The following GLDC variants were observed in gnomAD, a reference collection of about 807,000 sequenced individuals.
GLDC encodes glycine dehydrogenase (decarboxylating), mitochondrial.
GLDC carries 104 observed loss-of-function variants against 121.3 expected under a neutral mutation model. The ratio of observed to expected loss-of-function variants is 0.86; its 90% confidence interval spans 0.73 to 1.01. The LOEUF (loss-of-function observed/expected upper bound fraction) is 1.01, where lower values mean the gene tolerates loss of function less well. Ranked by LOEUF, GLDC falls within the 50% of genes least tolerant of loss-of-function variation. The pLI, the probability that GLDC is intolerant of heterozygous loss-of-function variation, is 0.00. For synonymous variants in GLDC, 546 were observed against 480.6 expected (o/e 1.14, Z -1.78); for missense variants, 1,429 against 1,306.6 (o/e 1.09, Z -1.44).
At chr9:6,577,339 T>A (rs1482444236) in intron 15 of GLDC, among the ~76,000 whole-genome samples, 3 of 152,224 alleles carry the variant, frequency 2.0e-5, no homozygotes, top group Non-Finnish European at 2.9e-5. Context: ...TTTATTAGGA[T>A]AGAGGTGCCG....
Position 6,546,699 on chromosome 9 carries a change from C to T in GLDC, c.2569+4104G>A, listed in dbSNP as rs575773933. ...GATGGGGGCCAGACGCAGTGGCTCA[C>T]GCCTGTAATCCCAGCATTTGGGGAG... is the stretch of plus-strand genomic sequence containing the variant. On this transcript the variant is annotated intron_variant, in intron 21 of 24. Transcript: ENST00000321612. Among the ~76,000 whole-genome samples the T allele has an allele frequency of 8.6e-5, 13 of 151,928 alleles. No individual in the cohort carries two copies. In the South Asian group the frequency reaches 1.9e-3, roughly 22 times the overall value.
intron 15 of GLDC, among the ~76,000 whole-genome samples, chr9:6,580,521 A>G (rs1818153189): frequency 6.6e-6 from 1 of 152,102 alleles, no homozygotes; most frequent in African/African-American, 2.4e-5. Context: ...AAGCTGTCAA[A>G]TCTGAAGCCC....
intron 23 of GLDC, 131 bp from the exon 24 acceptor site, chr9:6,534,919 G>C: frequency 1.5e-6 from 1 of 688,784 alleles, no homozygotes; most frequent in Non-Finnish European, 2.7e-6. Flanking sequence ...TCAATTTAGG[G>C]GGGTACAATG....
At chr9:6,566,073 C>T (rs540685254) in intron 15 of GLDC, among the ~76,000 whole-genome samples, 112 of 152,234 alleles carry the variant, frequency 7.4e-4, no homozygotes, top group Non-Finnish European at 1.4e-3. Context: ...GGAACAGTGT[C>T]TCCACTAAAA....
In GLDC at chr9:6,550,718, C is replaced by A. The variant is rs371887130; in HGVS notation, c.2569+85G>T. On this transcript the variant is annotated intron_variant, in intron 21 of 24. Coordinates refer to ENST00000321612, the MANE Select transcript of GLDC (RefSeq NM_000170.3). ...TGTGCTAAGAAATAGAAGTCTCTTGCCCATGTCAGAAAAGCGCATCTAGGT... is the reference window on the plus strand; with the variant it reads ...TGTGCTAAGAAATAGAAGTCTCTTGACCATGTCAGAAAAGCGCATCTAGGT... 652 of 815,474 alleles carry A rather than the reference C, an allele frequency of 8.0e-4. 4 individuals carry two copies. In the African/African-American group the frequency reaches 9.7e-3, roughly 12 times the overall value. The allele number at this position is 815,474 out of a possible 1,614,324, so 50.5% of individuals were successfully genotyped here. A position where few individuals can be genotyped will look rare whatever the true frequency, so the allele number is the denominator to read the frequency against.
chr9:6,572,298 C>T (rs532578606), intron 15 of GLDC, among the ~76,000 whole-genome samples: 41 of 152,254 alleles, frequency 2.7e-4, no homozygotes, highest in African/African-American at 8.9e-4. Context: ...AAATGCAATT[C>T]AGAAAATGAT....
intron 15 of GLDC, among the ~76,000 whole-genome samples, chr9:6,575,021 G>C (rs980951143): frequency 2.6e-5 from 4 of 151,562 alleles, no homozygotes; most frequent in African/African-American, 9.8e-5. Flanking sequence ...ATTAGAATTA[G>C]AGAGTTTTTT....
At chr9:6,623,954 G>T (rs928867024) in intron 2 of GLDC, among the ~76,000 whole-genome samples, 1 of 152,198 alleles carries the variant, frequency 6.6e-6, no homozygotes, top group African/African-American at 2.4e-5. Context: ...ATCCTGTGCA[G>T]GGGGGACAGG....
intron 2 of GLDC, among the ~76,000 whole-genome samples, chr9:6,642,180 G>A (rs1014667900): frequency 3.9e-5 from 6 of 152,124 alleles, no homozygotes; most frequent in African/African-American, 1.4e-4. Flanking sequence ...TTTTCTGCGT[G>A]AATCATCCCA....
At chr9:6,622,265 AC>A (rs1819116910) in intron 2 of GLDC, among the ~76,000 whole-genome samples, 1 of 127,154 alleles carries the variant, frequency 7.9e-6, no homozygotes, top group African/African-American at 3.0e-5. Flanking sequence ...CCCTCTCCCC[AC>A]GGTCTCCCTC....
chr9:6,598,772 G>C (rs758761623), intron 8 of GLDC, among the ~76,000 whole-genome samples: 1 of 152,230 alleles, frequency 6.6e-6, no homozygotes, highest in Non-Finnish European at 1.5e-5. Flanking sequence ...AGACAAGCTG[G>C]AGTATGGCCA....
chr9:6,573,168 G>A (rs568798390), intron 15 of GLDC, among the ~76,000 whole-genome samples: 2 of 152,122 alleles, frequency 1.3e-5, no homozygotes, highest in Non-Finnish European at 2.9e-5. Flanking sequence ...CCAGCTACTA[G>A]GGAGGCTGAG....
chr9:6,577,756 A>C (rs1053987670), intron 15 of GLDC, among the ~76,000 whole-genome samples: 4 of 151,772 alleles, frequency 2.6e-5, no homozygotes, highest in Non-Finnish European at 5.9e-5. Context: ...ATTTTATTTC[A>C]CTATATTTTA....
At chr9:6,585,952 G>C (rs1332351223) in intron 15 of GLDC, among the ~76,000 whole-genome samples, 1 of 151,822 alleles carries the variant, frequency 6.6e-6, no homozygotes, top group Non-Finnish European at 1.5e-5. Context: ...CACAAATCCA[G>C]GGGATTCCAA....
At chr9:6,611,582 A>G (rs1405160940) in intron 3 of GLDC, among the ~76,000 whole-genome samples, 5 of 151,936 alleles carry the variant, frequency 3.3e-5, no homozygotes. Context: ...TTAGTACATC[A>G]TGAACATCTC....
intron 2 of GLDC, among the ~76,000 whole-genome samples, chr9:6,635,439 A>C (rs1819482322): frequency 6.6e-6 from 1 of 152,230 alleles, no homozygotes; most frequent in Admixed American, 6.5e-5. Context: ...AATAGCCCTC[A>C]AGAATAGCAC....
intron 2 of GLDC, chr9:6,639,255 G>C (rs1172569372): frequency 2.2e-6 from 2 of 908,156 alleles, no homozygotes; most frequent in South Asian, 1.3e-5. Context: ...CAAAAAAAAA[G>C]AAGATCCGCA....
At chr9:6,534,596 C>T in intron 24 of GLDC, 112 bp downstream of exon 24, 1 of 703,162 alleles carries the variant, frequency 1.4e-6, no homozygotes, top group Non-Finnish European at 2.6e-6. Context: ...CCTTATTTCA[C>T]AAGGTGCCCC....
chr9:6,621,970 A>C (rs1250420661), intron 2 of GLDC, among the ~76,000 whole-genome samples: 1 of 152,224 alleles, frequency 6.6e-6, no homozygotes, highest in African/African-American at 2.4e-5. Flanking sequence ...TCAGTCACTT[A>C]ACCCTGGGAA....
Sources: gnomAD v4.1 joint callset for allele counts (sites outside exome capture counted in the v4.1 genomes callset) on GRCh38, gnomAD v4.1.1 for gene constraint, MANE v1.5 for transcripts, NCBI Gene and HGNC (gene_info 2026-07-23, HGNC 2026-07-21) for gene names.